Variants in SEMA3A observed in about 807,000 individuals in gnomAD.
SEMA3A encodes semaphorin-3A.
A neutral mutation model predicts 97.9 loss-of-function variants in SEMA3A; 29 were observed. That is an observed-to-expected ratio of 0.30 (90% CI 0.22 to 0.40). The LOEUF (loss-of-function observed/expected upper bound fraction) is 0.40, where lower values mean the gene tolerates loss of function less well. Among genes scored for constraint, SEMA3A ranks in the 10% least tolerant of loss-of-function variants. The pLI is 1.00. For missense variants in SEMA3A, 763 were observed against 951.3 expected (o/e 0.80, Z 2.60); for synonymous variants, 321 against 323.7 (o/e 0.99, Z 0.09).
intron 3 of SEMA3A, among the ~76,000 whole-genome samples, chr7:84,274,492 C>T (rs990432137): frequency 1.4e-4 from 21 of 152,004 alleles, no homozygotes; most frequent in African/African-American, 2.4e-5. Flanking sequence ...AGGGGTTGCC[C>T]GGAACAATTA....
chr7:83,993,662 G>A, intron 12 of SEMA3A, among the ~76,000 whole-genome samples: 1 of 123,908 alleles, frequency 8.1e-6, no homozygotes, highest in East Asian at 2.5e-4. Context: ...CTTCTGGCTT[G>A]TAGGGTTTCT....
At chr7:84,476,965 C>T (rs948030619) in intron 1 of SEMA3A, among the ~76,000 whole-genome samples, 2 of 151,186 alleles carry the variant, frequency 1.3e-5, no homozygotes, top group African/African-American at 4.9e-5. Context: ...TTTTATAACA[C>T]TTAACACTTG....
chr7:84,343,830 AAAAAC>A (rs1802231289), intron 2 of SEMA3A, among the ~76,000 whole-genome samples: 1 of 152,106 alleles, frequency 6.6e-6, no homozygotes, highest in Non-Finnish European at 1.5e-5. Context: ...CATTTCTATG[AAAAAC>A]AAAACAAAAC....
chr7:84,466,937 C>A (rs1464901640), intron 1 of SEMA3A, among the ~76,000 whole-genome samples: 1 of 152,000 alleles, frequency 6.6e-6, no homozygotes, highest in Non-Finnish European at 1.5e-5. Context: ...CTTTCCTCCT[C>A]AGTCTTCTCT....
At chr7:84,415,098 AG>A (rs1423392822) in intron 1 of SEMA3A, among the ~76,000 whole-genome samples, 2 of 152,150 alleles carry the variant, frequency 1.3e-5, no homozygotes, top group African/African-American at 4.8e-5. Flanking sequence ...ATATTAAGAT[AG>A]TATTGCTGGA....
rs139753541 is a variant in SEMA3A at position 84,451,225 on chromosome 7, A to G, written c.-246+41235T>C. On this transcript the variant is annotated intron_variant, in intron 1 of 3. Transcript: ENST00000424555. Reference sequence around the variant, plus strand: ...TTCTATTTCATTATTTTTCATGTGGATATCCAGTTTTCTCAGCACCAACTC... The same window carrying G: ...TTCTATTTCATTATTTTTCATGTGGGTATCCAGTTTTCTCAGCACCAACTC... Among the ~76,000 whole-genome samples the G allele has an allele frequency of 4.0e-3, 608 of 152,072 alleles. 1 individual carries two copies. The highest frequency in any genetic ancestry group is 0.013 in the African/African-American group (552 of 41,484).
At chr7:84,327,921 G>T (rs1296867189) in intron 2 of SEMA3A, among the ~76,000 whole-genome samples, 1 of 151,750 alleles carries the variant, frequency 6.6e-6, no homozygotes, top group Non-Finnish European at 1.5e-5. Context: ...AGGATTAATG[G>T]CAACAATATA....
chr7:84,065,287 T>G (rs1793434407), intron 4 of SEMA3A, among the ~76,000 whole-genome samples: 2 of 118,734 alleles, frequency 1.7e-5, no homozygotes, highest in South Asian at 7.1e-4. Flanking sequence ...GAGGGAAATT[T>G]ATAGCACTAA....
chr7:84,096,057 G>A (rs984859844), intron 4 of SEMA3A, among the ~76,000 whole-genome samples: 2 of 151,906 alleles, frequency 1.3e-5, no homozygotes, highest in Non-Finnish European at 2.9e-5. Context: ...TTACTAATAA[G>A]CATTCAATTT....
At chr7:84,280,372 T>C (rs935413903) in intron 3 of SEMA3A, among the ~76,000 whole-genome samples, 4 of 152,200 alleles carry the variant, frequency 2.6e-5, no homozygotes, top group Non-Finnish European at 5.9e-5. Context: ...AAAAGACCAC[T>C]GTACCACGGC....
At chr7:84,407,317 C>T (rs914421432) in intron 1 of SEMA3A, among the ~76,000 whole-genome samples, 4 of 152,040 alleles carry the variant, frequency 2.6e-5, no homozygotes, top group African/African-American at 7.3e-5. Flanking sequence ...AATACAATGC[C>T]TAGGAATACA....
At chr7:84,023,199 C>T (rs1490001626) in intron 6 of SEMA3A, among the ~76,000 whole-genome samples, 2 of 152,158 alleles carry the variant, frequency 1.3e-5, no homozygotes, top group African/African-American at 2.4e-5. Flanking sequence ...ACAGGACACG[C>T]GGCTGCACTT....
intron 4 of SEMA3A, among the ~76,000 whole-genome samples, chr7:84,097,060 T>C (rs1794798188): frequency 1.3e-5 from 2 of 152,028 alleles, no homozygotes; most frequent in Non-Finnish European, 2.9e-5. Context: ...GTCCCCAAGA[T>C]TGAGGCCAGC....
chr7:84,049,730 A>C (rs1446436337), intron 5 of SEMA3A, among the ~76,000 whole-genome samples: 2 of 151,516 alleles, frequency 1.3e-5, no homozygotes, highest in African/African-American at 4.9e-5. Context: ...AATTATTATT[A>C]TACTTTAAGT....
At chr7:84,023,055 A>T (rs931755938) in intron 6 of SEMA3A, among the ~76,000 whole-genome samples, 17 of 152,120 alleles carry the variant, frequency 1.1e-4, no homozygotes, top group African/African-American at 4.1e-4. Context: ...CACAGATGGC[A>T]TTTCTTGCAA....
intron 2 of SEMA3A, among the ~76,000 whole-genome samples, chr7:84,332,671 G>C (rs1257023344): frequency 7.3e-5 from 8 of 109,896 alleles, no homozygotes; most frequent in Non-Finnish European, 1.4e-4. Context: ...ATATGTGTGT[G>C]TATACACACA....
Position 84,011,317 on chromosome 7 carries a change from G to T in SEMA3A, c.811-20C>A, listed in dbSNP as rs1790864906. The stretch of plus-strand genomic sequence containing the variant: ...GTCATTCTGAAAGAAGGGAACACCA[G>T]TGTTAGGCACTGTTAATGAAAATGA... On this transcript the variant is annotated intron_variant, in intron 7 of 16. Coordinates refer to ENST00000265362, the MANE Select transcript of SEMA3A (RefSeq NM_006080.3). 7.1e-7 allele frequency: 1 copy of T among 1,417,418 alleles called. No homozygotes were observed. The highest frequency in any genetic ancestry group is 1.0e-6 in the Non-Finnish European group (1 of 1,001,054). 87.8% of individuals were successfully genotyped at this position (1,417,418 alleles called of 1,614,324 possible).
intron 7 of SEMA3A, among the ~76,000 whole-genome samples, chr7:84,012,991 T>C (rs1391775064): frequency 6.6e-6 from 1 of 152,162 alleles, no homozygotes; most frequent in Admixed American, 6.5e-5. Context: ...TATTTATATG[T>C]TTTCAAGTAT....
chr7:84,368,802 CAT>C (rs1043654647), intron 2 of SEMA3A, among the ~76,000 whole-genome samples: 1 of 150,758 alleles, frequency 6.6e-6, no homozygotes, highest in Admixed American at 6.6e-5. Flanking sequence ...TATAGACACA[CAT>C]ATTCACTATA....
Sources: allele counts gnomAD v4.1 joint callset (sites outside exome capture counted in the v4.1 genomes callset), GRCh38; gene constraint gnomAD v4.1.1; transcripts MANE v1.5; gene names NCBI Gene and HGNC (gene_info 2026-07-23, HGNC 2026-07-21).